The following ADAMTSL1 variants were observed in gnomAD, a reference collection of about 807,000 sequenced individuals.
ADAMTSL1 encodes the protein ADAMTS like 1, also known as ADAMTS-like protein 1.
Under a neutral mutation model 201.8 loss-of-function variants are expected in ADAMTSL1, and 126 were observed. The ratio of observed to expected loss-of-function variants is 0.62; its 90% CI spans 0.54 to 0.72. ADAMTSL1 has a LOEUF of 0.72. ADAMTSL1 is among the 30% of genes least tolerant of loss of function. The probability of loss-of-function intolerance (pLI) is 0.00; values close to 1 mark genes in which losing one functional copy is unlikely to be tolerated. For synonymous variants in ADAMTSL1, 1,121 were observed against 903.4 expected, an observed-to-expected ratio of 1.24 and a Z score of -4.32; for missense variants, 2,679 against 2,277.8, an observed-to-expected ratio of 1.18 and a Z score of -3.59.
Position 18,908,540 on chromosome 9 carries a change from A to G in ADAMTSL1, c.5281A>G (p.Lys1761Glu), listed in dbSNP as rs1318679083. 3.8e-6 allele frequency: 6 copies of G among 1,560,146 alleles called. No homozygotes were observed. In the Admixed American group the frequency reaches 5.8e-5, roughly 15 times the overall value. ...ATCTCGCTGCTGTGGAACTTGTGGC[A>G]AAGCGTGAAGATAGGGTGTGGGGAA... The part of the protein sequence containing the change: ...FKSRCCGTCG[K>E]A Residue 1761 changes from lysine to glutamate, a missense_variant, in exon 29 of 29, where the codon AAA becomes GAA. By Grantham distance (56) the Lys-to-Glu change is moderately conservative. Coordinates refer to ENST00000380548, the MANE Select transcript of ADAMTSL1 (RefSeq NM_001040272.6).
chr9:18,188,753 T>C (rs1291636617), intron 2 of ADAMTSL1, among the ~76,000 whole-genome samples: 2 of 152,234 alleles, frequency 1.3e-5, no homozygotes, highest in Non-Finnish European at 2.9e-5. Flanking sequence ...ATATTCTTTA[T>C]GGTTTCTTTA....
chr9:18,247,823 C>G (rs1007522860), intron 2 of ADAMTSL1, among the ~76,000 whole-genome samples: 3 of 152,032 alleles, frequency 2.0e-5, no homozygotes, highest in African/African-American at 7.2e-5. Flanking sequence ...AAAGATTAAA[C>G]AAGTGTATGT....
chr9:18,338,243 A>G (rs979207872), intron 2 of ADAMTSL1, among the ~76,000 whole-genome samples: 3 of 152,006 alleles, frequency 2.0e-5, no homozygotes, highest in African/African-American at 7.2e-5. Context: ...CAGCATGGAG[A>G]AAAGAGTCAT....
Position 17,972,873 on chromosome 9 carries a change from G to C in ADAMTSL1, c.87+65951G>C, listed in dbSNP as rs575410925. On this transcript the variant is annotated intron_variant, in intron 1 of 29. Transcript: ENST00000680146. ...TCACCATTCTAACTGGTGTGAGATG[G>C]TATCTCATTGTGGTTTTGATTTGCA... Among the ~76,000 whole-genome samples, 1,299 of 144,694 alleles carry C rather than the reference G, an allele frequency of 9.0e-3. 23 individuals carry two copies. The highest frequency in any genetic ancestry group is 0.031 in the African/African-American group (1,224 of 39,060). 94.9% of individuals were successfully genotyped at this position (144,694 alleles called of 152,430 possible). A position where few individuals can be genotyped will look rare whatever the true frequency, so the allele number is the denominator to read the frequency against.
chr9:18,128,972 CT>C (rs1227992922), intron 1 of ADAMTSL1, among the ~76,000 whole-genome samples: 4 of 152,142 alleles, frequency 2.6e-5, no homozygotes, highest in Non-Finnish European at 4.4e-5. Context: ...TAGAGGCAAT[CT>C]ATAAAGTCTT....
intron 1 of ADAMTSL1, among the ~76,000 whole-genome samples, chr9:18,077,779 G>A (rs1453489377): frequency 6.6e-6 from 1 of 152,188 alleles, no homozygotes; most frequent in Non-Finnish European, 1.5e-5. Flanking sequence ...CTGATAGAAT[G>A]GGTAAAAGAG....
intron 2 of ADAMTSL1, among the ~76,000 whole-genome samples, chr9:18,394,169 T>G (rs200446458): frequency 2.1e-5 from 3 of 145,800 alleles, no homozygotes; most frequent in Non-Finnish European, 4.5e-5. Flanking sequence ...AACAAGGATT[T>G]TTTTTTAAAG....
intron 2 of ADAMTSL1, among the ~76,000 whole-genome samples, chr9:18,287,483 A>G (rs1174872225): frequency 4.6e-5 from 7 of 151,544 alleles, no homozygotes; most frequent in South Asian, 2.1e-4. Context: ...ATGTTCAGAT[A>G]TGTAATGCAT....
At chr9:18,456,234 A>T (rs1464257162) in intron 2 of ADAMTSL1, among the ~76,000 whole-genome samples, 2 of 152,172 alleles carry the variant, frequency 1.3e-5, no homozygotes, top group Non-Finnish European at 2.9e-5. Flanking sequence ...GGCTATAATT[A>T]TTCCTCAGAC....
At chr9:18,760,304 C>G (rs1435747930) in intron 16 of ADAMTSL1, among the ~76,000 whole-genome samples, 6 of 152,160 alleles carry the variant, frequency 3.9e-5, no homozygotes, top group Admixed American at 1.3e-4. Flanking sequence ...ATCAACTCAT[C>G]AAACCCTTAC....
intron 1 of ADAMTSL1, among the ~76,000 whole-genome samples, chr9:18,125,418 C>A (rs1012997517): frequency 6.6e-6 from 1 of 152,138 alleles, no homozygotes; most frequent in African/African-American, 2.4e-5. Context: ...AGGGACACAC[C>A]CAAACCATAT....
At chr9:18,171,871 G>A (rs1368071217) in intron 2 of ADAMTSL1, among the ~76,000 whole-genome samples, 1 of 152,074 alleles carries the variant, frequency 6.6e-6, no homozygotes, top group African/African-American at 2.4e-5. Flanking sequence ...GTGTAAGGAA[G>A]GGATCCAGTT....
At chr9:18,080,038 A>G (rs930334345) in intron 1 of ADAMTSL1, among the ~76,000 whole-genome samples, 2 of 152,212 alleles carry the variant, frequency 1.3e-5, no homozygotes, top group East Asian at 3.9e-4. Flanking sequence ...TGTACTGATG[A>G]TGACAAGGGT....
chr9:18,672,852 C>G (rs1250046615), intron 9 of ADAMTSL1, among the ~76,000 whole-genome samples: 1 of 152,060 alleles, frequency 6.6e-6, no homozygotes, highest in Non-Finnish European at 1.5e-5. Context: ...ACTGATAGCA[C>G]ATCACTCCAG....
At chr9:18,406,024 C>A (rs1818177400) in intron 2 of ADAMTSL1, among the ~76,000 whole-genome samples, 1 of 152,190 alleles carries the variant, frequency 6.6e-6, no homozygotes. Flanking sequence ...AGGTCTTGAA[C>A]AAATTATAGT....
chr9:18,306,240 C>A (rs937480000), intron 2 of ADAMTSL1, among the ~76,000 whole-genome samples: 7 of 152,104 alleles, frequency 4.6e-5, no homozygotes, highest in African/African-American at 1.7e-4. Context: ...TGAGGAAAAC[C>A]CAGCACAAAA....
At chr9:18,458,973 T>G (rs1349702121) in intron 2 of ADAMTSL1, among the ~76,000 whole-genome samples, 1 of 152,196 alleles carries the variant, frequency 6.6e-6, no homozygotes, top group Non-Finnish European at 1.5e-5. Flanking sequence ...TGACATATAT[T>G]AAACAGAACC....
chr9:17,944,432 A>G (rs1351904228), intron 1 of ADAMTSL1, among the ~76,000 whole-genome samples: 1 of 152,140 alleles, frequency 6.6e-6, no homozygotes, highest in Non-Finnish European at 1.5e-5. Context: ...TCAAGCTACC[A>G]AGGACTTTCT....
chr9:18,183,003 A>G (rs1828570024), intron 2 of ADAMTSL1, among the ~76,000 whole-genome samples: 1 of 152,180 alleles, frequency 6.6e-6, no homozygotes, highest in Non-Finnish European at 1.5e-5. Flanking sequence ...TCAAAACTAG[A>G]CCTAGATGAT....
Sources: gnomAD v4.1 joint callset for allele counts (sites outside exome capture counted in the v4.1 genomes callset) on GRCh38, gnomAD v4.1.1 for gene constraint, MANE v1.5 for transcripts, NCBI Gene and HGNC (gene_info 2026-07-23, HGNC 2026-07-21) for gene names.